The following MSN variants were observed in gnomAD, a reference collection of about 807,000 sequenced individuals.
MSN encodes moesin.
In MSN, 2 loss-of-function variants were observed where a neutral mutation model predicts 48.0. The ratio of observed to expected loss-of-function variants is 0.04; its 90% CI spans 0.02 to 0.13. The LOEUF (loss-of-function observed/expected upper bound fraction) is 0.13. MSN is among the 10% of genes least tolerant of loss of function. The pLI is 1.00. For missense variants in MSN, 267 were observed against 470.1 expected, an observed-to-expected ratio of 0.57 and a Z score of 3.99; for synonymous variants, 146 against 166.9, an observed-to-expected ratio of 0.87 and a Z score of 0.97.
chrX:65,645,738 C>G (rs2148372129), intron 1 of MSN, among the ~76,000 whole-genome samples: 1 of 111,435 alleles, frequency 9.0e-6, no homozygotes, highest in South Asian at 3.8e-4. Flanking sequence ...TGAGATAAAA[C>G]TGCCCAGCTG....
Position 65,725,876 on chromosome X carries a change from A to T in MSN, c.97-1938A>T, listed in dbSNP as rs1385423540. Among the ~76,000 whole-genome samples the T allele has an allele frequency of 2.7e-5, 3 of 112,336 alleles. No homozygotes were observed. In the East Asian group the frequency reaches 8.3e-4, roughly 31 times the overall value. ...TAACCATTTGCAAAATAACCTTGTA[A>T]TGTAATTAGTACAATGATAGAACTT... On this transcript the variant is annotated intron_variant, in intron 2 of 12. Coordinates refer to ENST00000360270, the MANE Select transcript of MSN (RefSeq NM_002444.3).
intron 1 of MSN, among the ~76,000 whole-genome samples, chrX:65,659,052 C>T (rs1024283103): frequency 9.1e-6 from 1 of 110,370 alleles, no homozygotes; most frequent in African/African-American, 3.3e-5. Context: ...CCATGTTGTG[C>T]AGGCTGGTCT....
intron 1 of MSN, among the ~76,000 whole-genome samples, chrX:65,616,412 G>A (rs771162784): frequency 0.1 from 8,768 of 84,788 alleles, 595 homozygotes; most frequent in Middle Eastern, 0.16. Context: ...TCCTTGAAGA[G>A]GTCCTTCACA....
intron 1 of MSN, among the ~76,000 whole-genome samples, chrX:65,605,024 T>C (rs1468045476): frequency 8.9e-6 from 1 of 112,414 alleles, no homozygotes; most frequent in Non-Finnish European, 1.9e-5. Context: ...GGACTTACAA[T>C]CCTATTAAAG....
At chrX:65,677,871 G>A (rs1382724481) in intron 1 of MSN, among the ~76,000 whole-genome samples, 2 of 111,595 alleles carry the variant, frequency 1.8e-5, no homozygotes, top group African/African-American at 6.5e-5. Flanking sequence ...TGCTTGGTGG[G>A]GACATCTGCC....
chrX:65,654,056 G>A (rs747561102), intron 1 of MSN, among the ~76,000 whole-genome samples: 3 of 106,613 alleles, frequency 2.8e-5, no homozygotes, highest in South Asian at 4.2e-4. Context: ...GATTACATGC[G>A]TGAGCCACTG....
chrX:65,592,071 C>G (rs897028719), intron 1 of MSN, among the ~76,000 whole-genome samples: 1 of 109,629 alleles, frequency 9.1e-6, no homozygotes, highest in Non-Finnish European at 1.9e-5. Context: ...CGTACTGCTC[C>G]TGGGACAAAT....
intron 1 of MSN, among the ~76,000 whole-genome samples, chrX:65,711,978 G>T (rs1303542278): frequency 3.6e-5 from 4 of 111,362 alleles, no homozygotes; most frequent in Non-Finnish European, 5.7e-5. Flanking sequence ...ATTCTAAAAA[G>T]CCCACTGCCC....
intron 1 of MSN, among the ~76,000 whole-genome samples, chrX:65,624,288 G>A (rs1489006061): frequency 9.1e-6 from 1 of 109,599 alleles, no homozygotes; most frequent in African/African-American, 3.4e-5. Flanking sequence ...ATGTTGGTCA[G>A]GCTGGTCTTG....
chrX:65,609,726 A>G (rs143587638), intron 1 of MSN, among the ~76,000 whole-genome samples: 1,618 of 111,540 alleles, frequency 0.015, 27 homozygotes, highest in African/African-American at 0.049. Context: ...TACTAAAAAT[A>G]CAAAAAATTA....
rs188604598 is a variant in MSN at position 65,729,608 on chromosome X, C to T, written c.363C>T (p.Thr121=). 2.8e-5 allele frequency: 34 copies of T among 1,210,267 alleles called. No individual in the cohort carries two copies. Among genetic ancestry groups the T allele is most frequent in the Non-Finnish European group, 3.6e-5 (32 of 895,305 alleles). The change falls in exon 4 of 13, where the codon ACC becomes ACT. Residue 121 remains threonine (T), a synonymous_variant. Coordinates refer to ENST00000360270, the MANE Select transcript of MSN (RefSeq NM_002444.3). ...ATGATATTTACTGCCCGCCTGAGACCGCTGTGCTGCTGGCCTCGTATGCTG... is the reference window on the plus strand; with the variant it reads ...ATGATATTTACTGCCCGCCTGAGACTGCTGTGCTGCTGGCCTCGTATGCTG... ...LNDDIYCPPE[T]AVLLASYAVQ...
At chrX:65,686,436 C>T (rs1383354405) in intron 1 of MSN, among the ~76,000 whole-genome samples, 1 of 112,864 alleles carries the variant, frequency 8.9e-6, no homozygotes, top group East Asian at 2.8e-4. Context: ...GGCATTATTC[C>T]CTTCCCCTTC....
At chrX:65,597,219 CT>C (rs201889292) in intron 1 of MSN, among the ~76,000 whole-genome samples, 181 of 100,657 alleles carry the variant, frequency 1.8e-3, no homozygotes, top group Admixed American at 4.0e-3. Flanking sequence ...TTCTTTCTTT[CT>C]TTTTTTTTTT....
intron 1 of MSN, among the ~76,000 whole-genome samples, chrX:65,680,809 T>C (rs1362796519): frequency 9.0e-6 from 1 of 111,320 alleles, no homozygotes; most frequent in Non-Finnish European, 1.9e-5. Context: ...AGTGCAGTGG[T>C]CCAATCTTGG....
chrX:65,634,771 T>C (rs1231905208), intron 1 of MSN, among the ~76,000 whole-genome samples: 1 of 112,110 alleles, frequency 8.9e-6, no homozygotes, highest in Non-Finnish European at 1.9e-5. Context: ...TTCGCACTTG[T>C]TTGAGGGTGA....
upstream of MSN, among the ~76,000 whole-genome samples, chrX:65,662,872 T>C (rs1390494708): frequency 8.9e-6 from 1 of 112,252 alleles, no homozygotes. Flanking sequence ...AGGAAGACAT[T>C]TGTAAACTAT....
At chrX:65,672,776 C>T (rs776567453) in intron 1 of MSN, among the ~76,000 whole-genome samples, 1 of 111,565 alleles carries the variant, frequency 9.0e-6, no homozygotes, top group South Asian at 3.7e-4. Flanking sequence ...GATGGGTAAA[C>T]TCTAGGAATC....
chrX:65,619,284 A>G (rs1408736755), intron 1 of MSN, among the ~76,000 whole-genome samples: 4 of 102,238 alleles, frequency 3.9e-5, no homozygotes, highest in Non-Finnish European at 7.7e-5. Context: ...GTTCTCCTGG[A>G]TAATATCCTG....
intron 5 of MSN, 116 bp from the exon 6 acceptor site, chrX:65,731,722 C>A (rs1243830783): frequency 1.1e-6 from 1 of 892,061 alleles, no homozygotes; most frequent in African/African-American, 2.0e-5. Flanking sequence ...CTTTTGTCCC[C>A]TTTCCCACTC....
Sources: allele counts gnomAD v4.1 joint callset (sites outside exome capture counted in the v4.1 genomes callset), GRCh38; gene constraint gnomAD v4.1.1; transcripts MANE v1.5; gene names NCBI Gene and HGNC (gene_info 2026-07-23, HGNC 2026-07-21).